SEM1: variants seen among roughly 807,000 people sequenced by gnomAD.
SEM1 encodes SEM1 26S proteasome subunit, also known as 26S proteasome complex subunit SEM1.
A neutral mutation model predicts 12.7 loss-of-function variants in SEM1; 3 were observed. That is an observed-to-expected ratio of 0.24 (90% CI 0.11 to 0.61). The LOEUF is 0.61. SEM1 is among the 20% of genes least tolerant of loss of function. The pLI is 0.88. For synonymous variants in SEM1, 30 were observed against 27.8 expected, an observed-to-expected ratio of 1.08 and a Z score of -0.25; for missense variants, 59 against 81.3, an observed-to-expected ratio of 0.73 and a Z score of 1.06.
At chr7:96,500,912 T>A (rs909192348), upstream of SEM1, among the ~76,000 whole-genome samples, 2 of 152,106 alleles carry the variant, frequency 1.3e-5, no homozygotes, top group Non-Finnish European at 2.9e-5. Flanking sequence ...TCCTTCAAAA[T>A]CTGGATCTTG....
intron 2 of SEM1, among the ~76,000 whole-genome samples, chr7:96,549,202 A>G (rs1805191368): frequency 1.3e-5 from 2 of 152,178 alleles, no homozygotes; most frequent in Non-Finnish European, 2.9e-5. Flanking sequence ...TAGAGTGACC[A>G]AATCTTTCTA....
At chr7:96,555,441 T>C (rs1216510742) in intron 2 of SEM1, among the ~76,000 whole-genome samples, 10 of 145,506 alleles carry the variant, frequency 6.9e-5, no homozygotes, top group Non-Finnish European at 1.2e-4. Context: ...CTTCATTTCG[T>C]TATGTACCCA....
At chr7:96,701,826 C>T (rs1342330188) in intron 1 of SEM1, among the ~76,000 whole-genome samples, 1 of 152,004 alleles carries the variant, frequency 6.6e-6, no homozygotes, top group African/African-American at 2.4e-5. Context: ...TAGATGAAAA[C>T]ATAAATTGGC....
intron 2 of SEM1, among the ~76,000 whole-genome samples, chr7:96,573,611 T>G (rs1806110711): frequency 6.6e-6 from 1 of 152,172 alleles, no homozygotes; most frequent in South Asian, 2.1e-4. Context: ...TCTTCTACCT[T>G]TTAGGGTTTC....
chr7:96,633,488 A>C (rs1409888506), intron 2 of SEM1, among the ~76,000 whole-genome samples: 1 of 152,164 alleles, frequency 6.6e-6, no homozygotes, highest in Non-Finnish European at 1.5e-5. Context: ...ATACACAGTC[A>C]ATATTTAATG....
chr7:96,657,167 AAC>A (rs1809208907), intron 2 of SEM1, among the ~76,000 whole-genome samples: 1 of 152,156 alleles, frequency 6.6e-6, no homozygotes, highest in Non-Finnish European at 1.5e-5. Flanking sequence ...CCTCATCAAT[AAC>A]AGTTTTTTGT....
intron 2 of SEM1, among the ~76,000 whole-genome samples, chr7:96,515,717 C>A (rs192466355): frequency 6.6e-6 from 1 of 152,182 alleles, no homozygotes; most frequent in South Asian, 2.1e-4. Context: ...TGAGTTCCTG[C>A]CCTTTGCAGG....
intron 2 of SEM1, among the ~76,000 whole-genome samples, chr7:96,516,909 C>T (rs1383177534): frequency 1.3e-5 from 2 of 152,086 alleles, no homozygotes; most frequent in Non-Finnish European, 2.9e-5. Context: ...AAACGAGCTA[C>T]CCAGCCATGA....
At chr7:96,687,937 A>G (rs961054061), downstream of SEM1, 2 of 152,098 alleles carry the variant, frequency 1.3e-5, no homozygotes, top group African/African-American at 2.4e-5. Context: ...ACAGAAACAT[A>G]TTTATGCTCA....
downstream of SEM1, among the ~76,000 whole-genome samples, chr7:96,617,620 C>T (rs2116266388): frequency 6.6e-6 from 1 of 152,128 alleles, no homozygotes; most frequent in East Asian, 1.9e-4. Context: ...TGTTCCAGTT[C>T]TTAGAGAGAA....
chr7:96,536,914 G>T (rs1262329816), intron 2 of SEM1, among the ~76,000 whole-genome samples: 2 of 151,780 alleles, frequency 1.3e-5, no homozygotes, highest in African/African-American at 4.8e-5. Flanking sequence ...CACATTTAAA[G>T]TAACTATTGG....
intron 2 of SEM1, among the ~76,000 whole-genome samples, chr7:96,630,643 C>A (rs1030788531): frequency 6.6e-6 from 1 of 152,148 alleles, no homozygotes; most frequent in Non-Finnish European, 1.5e-5. Context: ...CAAGGTGGCA[C>A]CTAAGGTGCA....
chr7:96,612,989 A>G (rs1476411869), intron 2 of SEM1, among the ~76,000 whole-genome samples: 1 of 152,226 alleles, frequency 6.6e-6, no homozygotes, highest in Non-Finnish European at 1.5e-5. Flanking sequence ...GAAGAAAAGT[A>G]CAAAAGAAAG....
chr7:96,693,707 G>C (rs1789998217), intron 2 of SEM1, among the ~76,000 whole-genome samples: 1 of 150,950 alleles, frequency 6.6e-6, no homozygotes, highest in Admixed American at 6.6e-5. Flanking sequence ...AAACAGCTTG[G>C]CAGCTCCTCA....
At chr7:96,618,244 TG>T (rs1807780557), downstream of SEM1, among the ~76,000 whole-genome samples, 1 of 152,240 alleles carries the variant, frequency 6.6e-6, no homozygotes. Context: ...TATTTCTTCC[TG>T]CTTCAATCTC....
chr7:96,545,185 A>G (rs2115807163), intron 2 of SEM1, among the ~76,000 whole-genome samples: 1 of 152,120 alleles, frequency 6.6e-6, no homozygotes, highest in Admixed American at 6.6e-5. Flanking sequence ...ATGATCCCAA[A>G]GAAAATCTGA....
chr7:96,588,098 A>G (rs1806699790), intron 2 of SEM1, among the ~76,000 whole-genome samples: 1 of 152,146 alleles, frequency 6.6e-6, no homozygotes, highest in Non-Finnish European at 1.5e-5. Context: ...GCTGGGTCAG[A>G]TGGCTCAGGC....
intron 1 of SEM1, chr7:96,486,477 C>A (rs1457974829): frequency 4.4e-6 from 6 of 1,360,086 alleles, no homozygotes; most frequent in African/African-American, 4.3e-5. Flanking sequence ...GGTGAGGAGG[C>A]GGGCACCTGT....
intron 2 of SEM1, among the ~76,000 whole-genome samples, chr7:96,526,849 G>A (rs372550859): frequency 5.3e-5 from 8 of 151,834 alleles, no homozygotes; most frequent in African/African-American, 1.9e-4. Flanking sequence ...AATGACAGTC[G>A]TCCTCCTCCT....
Sources: allele counts gnomAD v4.1 joint callset (sites outside exome capture counted in the v4.1 genomes callset), GRCh38; gene constraint gnomAD v4.1.1; transcripts MANE v1.5; gene names NCBI Gene and HGNC (gene_info 2026-07-23, HGNC 2026-07-21).